PCYT1B: variants seen among roughly 807,000 people sequenced by gnomAD.
PCYT1B encodes phosphate cytidylyltransferase 1B, choline, also known as choline-phosphate cytidylyltransferase B.
Under a neutral mutation model 26.4 loss-of-function variants are expected in PCYT1B, and 10 were observed. The ratio of observed to expected loss-of-function variants is 0.38; its 90% CI spans 0.23 to 0.64. The LOEUF (loss-of-function observed/expected upper bound fraction) is 0.64. Ranked by LOEUF, PCYT1B falls within the 30% of genes least tolerant of loss-of-function variation. The pLI, the probability that PCYT1B is intolerant of heterozygous loss-of-function variation, is 0.56. For missense variants in PCYT1B, 161 were observed against 292.7 expected, an observed-to-expected ratio of 0.55 and a Z score of 3.28; for synonymous variants, 131 against 108.4, an observed-to-expected ratio of 1.21 and a Z score of -1.29.
At chrX:24,651,472 A>AATAT (rs200652780), upstream of PCYT1B, among the ~76,000 whole-genome samples, 188 of 25,907 alleles carry the variant, frequency 7.3e-3, 1 homozygote, top group South Asian at 0.033. Context: ...AAAAAAAAAA[A>AATAT]ATATATATAT....
chrX:24,635,817 G>A, intron 1 of PCYT1B, among the ~76,000 whole-genome samples: 1 of 111,964 alleles, frequency 8.9e-6, no homozygotes, highest in Non-Finnish European at 1.9e-5. Flanking sequence ...GATTCTAAAA[G>A]CTTTAATTAC....
chrX:24,568,330 C>T (rs757551256), intron 7 of PCYT1B, among the ~76,000 whole-genome samples: 4 of 111,147 alleles, frequency 3.6e-5, no homozygotes, highest in South Asian at 7.7e-4. Flanking sequence ...TCCAGGAGTT[C>T]GAGATCAGCC....
chrX:24,579,217 G>T, intron 6 of PCYT1B, 99 bp downstream of exon 6: 16 of 744,131 alleles, frequency 2.2e-5, no homozygotes, highest in Admixed American at 2.8e-5. Context: ...GAGAGAGGGA[G>T]AACACTGCAT....
chrX:24,561,739 A>T lies in PCYT1B; in HGVS notation c.*554T>A, dbSNP rs1923423340. 4.3e-6 allele frequency: 1 copy of T among 234,330 alleles called. No homozygotes were observed. The highest frequency in any genetic ancestry group is 7.7e-6 in the Non-Finnish European group (1 of 129,213). 19.3% of individuals were successfully genotyped at this position (234,330 alleles called of 1,213,427 possible). A position where few individuals can be genotyped will look rare whatever the true frequency, so the allele number is the denominator to read the frequency against. ...TTTGTCTATGAGCCACATTCATGGA[A>T]CTGGAAGGAGCTGATGCGTTCCAAC... On this transcript the variant is annotated 3_prime_UTR_variant, in exon 8 of 8. Coordinates refer to ENST00000379144, the MANE Select transcript of PCYT1B (RefSeq NM_004845.5).
rs187467615 is a variant in PCYT1B, at chrX:24,577,412, C to T, written c.708+1904G>A. Among the ~76,000 whole-genome samples, 9 of 111,897 alleles carry T rather than the reference C, an allele frequency of 8.0e-5. No homozygotes were observed. The East Asian group carries it at 1.9e-3, about 24-fold the overall frequency. On this transcript the variant is annotated intron_variant, in intron 6 of 7. Transcript: ENST00000379144. The stretch of plus-strand genomic sequence containing the variant: ...GGCTTGACATGTTTGGATGGTTGAC[C>T]GAATTCAATTTGAAAGAACAGACAG...
intron 1 of PCYT1B, among the ~76,000 whole-genome samples, chrX:24,646,273 C>T (rs967552114): frequency 9.0e-6 from 1 of 111,174 alleles, no homozygotes; most frequent in South Asian, 3.8e-4. Flanking sequence ...AGAGCAGTTA[C>T]GGTGCAGTTA....
chrX:24,667,727 AG>A (rs1353904909), intron 1 of PCYT1B, among the ~76,000 whole-genome samples: 2 of 110,842 alleles, frequency 1.8e-5, no homozygotes, highest in African/African-American at 6.6e-5. Flanking sequence ...AAAAAAAAAA[AG>A]GTAAAAATAT....
chrX:24,591,795 A>G (rs1220255291), intron 3 of PCYT1B, among the ~76,000 whole-genome samples: 1 of 111,996 alleles, frequency 8.9e-6, no homozygotes, highest in Non-Finnish European at 1.9e-5. Context: ...AATAATTAAC[A>G]TATTTATGGG....
intron 3 of PCYT1B, among the ~76,000 whole-genome samples, chrX:24,593,480 CT>C (rs200861972): frequency 5.4e-5 from 2 of 37,286 alleles, no homozygotes; most frequent in African/African-American, 1.8e-4. Flanking sequence ...CTTTTCTTTT[CT>C]TTTCTTTTCT....
chrX:24,641,771 T>A (rs1212687756), intron 1 of PCYT1B, among the ~76,000 whole-genome samples: 1 of 112,292 alleles, frequency 8.9e-6, no homozygotes, highest in Non-Finnish European at 1.9e-5. Flanking sequence ...TCACCTTTTT[T>A]AACCTTTAAA....
intron 1 of PCYT1B, among the ~76,000 whole-genome samples, chrX:24,667,343 C>G (rs746648115): frequency 9.0e-6 from 1 of 110,626 alleles, no homozygotes; most frequent in Non-Finnish European, 1.9e-5. Context: ...CACATACATA[C>G]CTGTAATATT....
chrX:24,588,278 A>G (rs1924437101), intron 4 of PCYT1B, among the ~76,000 whole-genome samples: 1 of 111,448 alleles, frequency 9.0e-6, no homozygotes, highest in Non-Finnish European at 1.9e-5. Flanking sequence ...ACCAACTTGT[A>G]TCTGGCCTTC....
In PCYT1B at chrX:24,577,350, C is replaced by T. The variant is rs987650828; in HGVS notation, c.708+1966G>A. Among the ~76,000 whole-genome samples, 6 of 112,264 alleles carry T rather than the reference C, an allele frequency of 5.3e-5. No individual in the cohort carries two copies. The South Asian group carries it at 1.9e-3, about 35-fold the overall frequency. ...CCTTGAGCTAAGTGGCTTATCTAAA[C>T]GCCGTTTAAAGAGAGTGAGCAATAA... On this transcript the variant is annotated intron_variant, in intron 6 of 7. Transcript: ENST00000379144.
At chrX:24,635,209 C>T (rs138102935) in intron 1 of PCYT1B, among the ~76,000 whole-genome samples, 1,359 of 111,639 alleles carry the variant, frequency 0.012, 12 homozygotes, top group Non-Finnish European at 0.018. Context: ...GTTTCCATAA[C>T]TCAATAGAGA....
At chrX:24,650,871 C>A (rs1347264556), upstream of PCYT1B, among the ~76,000 whole-genome samples, 1 of 111,718 alleles carries the variant, frequency 9.0e-6, no homozygotes. Flanking sequence ...CAACTTACAG[C>A]AATAGTAGGA....
chrX:24,639,465 G>A (rs1487851982), intron 1 of PCYT1B, among the ~76,000 whole-genome samples: 2 of 111,306 alleles, frequency 1.8e-5, no homozygotes, highest in Admixed American at 1.9e-4. Context: ...GGGCATTGGT[G>A]TGGAGTCCCA....
chrX:24,659,916 T>C (rs1213822376), intron 1 of PCYT1B, among the ~76,000 whole-genome samples: 2 of 111,754 alleles, frequency 1.8e-5, no homozygotes, highest in African/African-American at 6.5e-5. Context: ...ACATAAACTT[T>C]GGGGGACACG....
chrX:24,581,976 A>T (rs1924220698), intron 5 of PCYT1B, among the ~76,000 whole-genome samples: 1 of 112,726 alleles, frequency 8.9e-6, no homozygotes, highest in Non-Finnish European at 1.9e-5. Flanking sequence ...CACTAGGCCA[A>T]ACACTTCTTT....
intron 2 of PCYT1B, among the ~76,000 whole-genome samples, chrX:24,608,592 T>C (rs779132217): frequency 9.0e-6 from 1 of 111,297 alleles, no homozygotes; most frequent in Non-Finnish European, 1.9e-5. Flanking sequence ...ACCAACACTA[T>C]AGTCCTTCCT....
Sources: allele counts gnomAD v4.1 joint callset (sites outside exome capture counted in the v4.1 genomes callset), GRCh38; gene constraint gnomAD v4.1.1; transcripts MANE v1.5; gene names NCBI Gene and HGNC (gene_info 2026-07-23, HGNC 2026-07-21).